The following ZNF407 variants were observed in gnomAD, a reference collection of about 807,000 sequenced individuals.
ZNF407 encodes zinc finger protein 407.
In ZNF407, 17 loss-of-function variants were observed where a neutral mutation model predicts 131.2. That is an observed-to-expected ratio of 0.13 (90% CI 0.09 to 0.19). ZNF407 has a LOEUF of 0.19. ZNF407 is among the 10% of genes least tolerant of loss of function. The probability of loss-of-function intolerance (pLI) is 1.00; values close to 1 mark genes in which losing one functional copy is unlikely to be tolerated. For synonymous variants in ZNF407, 1,156 were observed against 1,062.0 expected (o/e 1.09, Z -1.72); for missense variants, 2,681 against 2,830.6 (o/e 0.95, Z 1.20).
At chr18:74,822,006 A>C (rs890667640) in intron 4 of ZNF407, among the ~76,000 whole-genome samples, 1 of 152,086 alleles carries the variant, frequency 6.6e-6, no homozygotes, top group Admixed American at 6.5e-5. Context: ...TTTGATTTGC[A>C]TTTCTCTAAT....
At chr18:74,613,933 T>A (rs1168248298) in intron 1 of ZNF407, among the ~76,000 whole-genome samples, 1 of 152,228 alleles carries the variant, frequency 6.6e-6, no homozygotes, top group East Asian at 1.9e-4. Flanking sequence ...CCCAGCAGGC[T>A]TTACAGTTAT....
chr18:74,792,753 A>G (rs969314472), intron 4 of ZNF407, among the ~76,000 whole-genome samples: 14 of 151,980 alleles, frequency 9.2e-5, no homozygotes, highest in Non-Finnish European at 1.3e-4. Context: ...CTTAGCATTA[A>G]CTCTTTTTCC....
chr18:74,610,184 C>A (rs1982994235), intron 1 of ZNF407, among the ~76,000 whole-genome samples: 1 of 152,178 alleles, frequency 6.6e-6, no homozygotes, highest in African/African-American at 2.4e-5. Context: ...ACTATACGTG[C>A]ATTTTGTTAG....
intron 8 of ZNF407, among the ~76,000 whole-genome samples, chr18:75,044,057 C>T (rs909477677): frequency 5.9e-5 from 9 of 152,022 alleles, no homozygotes; most frequent in African/African-American, 1.4e-4. Context: ...ATATGGTCAG[C>T]GTAAGATTTT....
chr18:74,839,799 T>G (rs1031556888), intron 4 of ZNF407, among the ~76,000 whole-genome samples: 5 of 152,062 alleles, frequency 3.3e-5, no homozygotes, highest in Non-Finnish European at 5.9e-5. Context: ...ACCAAGAGAT[T>G]ATGGGAATTA....
chr18:75,057,070 C>T (rs1397060790), intron 8 of ZNF407, among the ~76,000 whole-genome samples: 1 of 152,100 alleles, frequency 6.6e-6, no homozygotes, highest in East Asian at 1.9e-4. Context: ...TTAATCGCAT[C>T]GTATTCAAGG....
intron 8 of ZNF407, among the ~76,000 whole-genome samples, chr18:74,953,778 G>A (rs145325503): frequency 5.9e-5 from 9 of 152,346 alleles, no homozygotes; most frequent in Non-Finnish European, 8.8e-5. Flanking sequence ...GCTGGCTGCA[G>A]ACAGCCCCTT....
chr18:74,831,428 C>T (rs1276694854), intron 4 of ZNF407, among the ~76,000 whole-genome samples: 3 of 151,988 alleles, frequency 2.0e-5, no homozygotes, highest in African/African-American at 7.3e-5. Flanking sequence ...TTTTTTCCTT[C>T]AGCCCACCCT....
chr18:74,713,041 G>C (rs1967803250), intron 3 of ZNF407, among the ~76,000 whole-genome samples: 1 of 152,224 alleles, frequency 6.6e-6, no homozygotes, highest in East Asian at 1.9e-4. Flanking sequence ...GGACCTGCCA[G>C]TCAGGGCCTT....
intron 3 of ZNF407, among the ~76,000 whole-genome samples, chr18:74,690,724 C>G (rs935400722): frequency 5.9e-5 from 9 of 152,040 alleles, no homozygotes; most frequent in African/African-American, 2.2e-4. Flanking sequence ...TAATATTTTC[C>G]TGTATTGCCA....
In ZNF407 at chr18:74,922,720, C is replaced by A. The variant is rs1457096785; in HGVS notation, c.5428+2028C>A. On this transcript the variant is annotated intron_variant, in intron 8 of 8. Transcript: ENST00000299687. ...ACACAAAACTGGAGTTCAGTGGAGA[C>A]CCTGATTCAAGTCTCTATGTAAAGA... Among the ~76,000 whole-genome samples, 3 of 152,118 alleles carry A rather than the reference C, an allele frequency of 2.0e-5. No homozygotes were observed. In the East Asian group the frequency reaches 5.8e-4, roughly 29 times the overall value.
chr18:74,782,149 C>T (rs914016604), intron 4 of ZNF407, among the ~76,000 whole-genome samples: 1 of 152,162 alleles, frequency 6.6e-6, no homozygotes, highest in Non-Finnish European at 1.5e-5. Flanking sequence ...ATGTGCAGCT[C>T]ACTCAAAACT....
chr18:75,014,119 CAG>C (rs1973015884), intron 8 of ZNF407, among the ~76,000 whole-genome samples: 1 of 152,076 alleles, frequency 6.6e-6, no homozygotes, highest in Admixed American at 6.6e-5. Context: ...GGGTTAAAAA[CAG>C]TGTGAACTAA....
intron 3 of ZNF407, among the ~76,000 whole-genome samples, chr18:74,650,182 T>C (rs1985161487): frequency 6.6e-6 from 1 of 152,242 alleles, no homozygotes; most frequent in African/African-American, 2.4e-5. Context: ...TCTGTTTGAC[T>C]AGTGCCCATT....
chr18:74,752,970 T>C (rs1189156114), intron 3 of ZNF407, among the ~76,000 whole-genome samples: 1 of 152,206 alleles, frequency 6.6e-6, no homozygotes, highest in Non-Finnish European at 1.5e-5. Context: ...TTGGGCAGTA[T>C]GGCCATTTTC....
At chr18:74,694,960 T>C (rs1266534486) in intron 3 of ZNF407, among the ~76,000 whole-genome samples, 1 of 152,186 alleles carries the variant, frequency 6.6e-6, no homozygotes, top group African/African-American at 2.4e-5. Flanking sequence ...CACTGATCTA[T>C]TATTGTTATT....
intron 8 of ZNF407, among the ~76,000 whole-genome samples, chr18:74,988,560 A>G (rs1267330457): frequency 6.6e-6 from 1 of 151,604 alleles, no homozygotes; most frequent in African/African-American, 2.4e-5. Context: ...TAAAGAACAA[A>G]TCACCACTCA....
chr18:74,635,214 A>C lies in ZNF407; in HGVS notation c.4195A>C (p.Lys1399Gln), dbSNP rs1174109412. The change falls in exon 2 of 9, where the codon AAA becomes CAA. Residue 1399 changes from lysine to glutamine, a missense_variant. Lys to Gln is a moderately conservative substitution (Grantham distance 53). Coordinates refer to ENST00000299687, the MANE Select transcript of ZNF407 (RefSeq NM_017757.3). This position sits in a 1 kb window ranked among gnomAD's most constrained non-coding sequence, Gnocchi z 4.7. ...LPLKDCAQGV[K>Q]KKKSEGSSIG... ...CTTGAAAGACTGTGCTCAAGGTGTGAAAAAGAAGAAATCTGAGGGCAGTTC... is the reference window on the plus strand; with the variant it reads ...CTTGAAAGACTGTGCTCAAGGTGTGCAAAAGAAGAAATCTGAGGGCAGTTC... The C allele has an allele frequency of 6.2e-7, 1 of 1,614,026 alleles. No individual in the cohort carries two copies. Among genetic ancestry groups the C allele is most frequent in the East Asian group, 2.2e-5 (1 of 44,884 alleles).
chr18:74,910,300 G>A (rs1971651839), intron 7 of ZNF407, among the ~76,000 whole-genome samples: 1 of 152,012 alleles, frequency 6.6e-6, no homozygotes, highest in African/African-American at 2.4e-5. Context: ...TAAAATAATA[G>A]GTTAACTTAA....
Sources: gnomAD v4.1 joint callset for allele counts (sites outside exome capture counted in the v4.1 genomes callset) on GRCh38, gnomAD v4.1.1 for gene constraint, Gnocchi (gnomAD v3.1) non-coding constraint, MANE v1.5 for transcripts, NCBI Gene and HGNC (gene_info 2026-07-23, HGNC 2026-07-21) for gene names.